SNX30: variants seen among roughly 807,000 people sequenced by gnomAD.
SNX30 encodes sorting nexin family member 30, also known as sorting nexin-30.
A neutral mutation model predicts 46.4 loss-of-function variants in SNX30; 24 were observed. The observed-to-expected ratio is 0.52, with a 90% CI of 0.37 to 0.73. The LOEUF (loss-of-function observed/expected upper bound fraction) is 0.73. SNX30 is among the 30% of genes least tolerant of loss of function. The pLI is 0.00. For synonymous variants in SNX30, 189 were observed against 211.5 expected (o/e 0.89, Z 0.92); for missense variants, 533 against 555.7 (o/e 0.96, Z 0.41).
intron 1 of SNX30, among the ~76,000 whole-genome samples, chr9:112,792,378 A>G (rs1287200627): frequency 1.3e-5 from 2 of 152,188 alleles, no homozygotes; most frequent in Non-Finnish European, 2.9e-5. Context: ...TCATACATAG[A>G]CACAAGTTCT....
At chr9:112,842,351 A>G (rs1840873366) in intron 6 of SNX30, among the ~76,000 whole-genome samples, 1 of 152,218 alleles carries the variant, frequency 6.6e-6, no homozygotes, top group African/African-American at 2.4e-5. Context: ...GTCTATCTTC[A>G]TCATGGCCTT....
At chr9:112,804,265 A>G (rs1840186752) in intron 1 of SNX30, among the ~76,000 whole-genome samples, 2 of 152,064 alleles carry the variant, frequency 1.3e-5, no homozygotes, top group Non-Finnish European at 2.9e-5. Context: ...CCCAGGTTCA[A>G]GCAATTCTCC....
At chr9:112,785,219 G>A (rs936838740) in intron 1 of SNX30, among the ~76,000 whole-genome samples, 4 of 152,028 alleles carry the variant, frequency 2.6e-5, no homozygotes, top group Admixed American at 2.6e-4. Context: ...TTTTGGGAAT[G>A]TAATTTTTTT....
chr9:112,839,251 C>T lies in SNX30; in HGVS notation c.1014+554C>T, dbSNP rs115936294. On this transcript the variant is annotated intron_variant, in intron 6 of 8. Transcript: ENST00000374232. ...TAAAAGAAATAATACAAGAAAGTCCCCCAAAGCTGAAGACATAAATCGTCT... is the reference window on the plus strand; with the variant it reads ...TAAAAGAAATAATACAAGAAAGTCCTCCAAAGCTGAAGACATAAATCGTCT... 5.2e-3 allele frequency among the ~76,000 whole-genome samples: 794 copies of T among 152,186 alleles called. 7 individuals are homozygous for T. Among genetic ancestry groups the T allele is most frequent in the African/African-American group, 0.018 (759 of 41,506 alleles).
intron 1 of SNX30, among the ~76,000 whole-genome samples, chr9:112,789,829 T>C (rs1839992247): frequency 6.6e-6 from 1 of 152,252 alleles, no homozygotes; most frequent in Non-Finnish European, 1.5e-5. Flanking sequence ...TAGAATTTGC[T>C]TGAAGGGCAG....
chr9:112,833,996 T>C (rs1840710356), intron 4 of SNX30, among the ~76,000 whole-genome samples: 1 of 152,110 alleles, frequency 6.6e-6, no homozygotes, highest in South Asian at 2.1e-4. Context: ...GGATTAGAAG[T>C]TGAAGATACA....
chr9:112,849,068 T>C (rs986304605), intron 6 of SNX30, among the ~76,000 whole-genome samples: 1 of 152,322 alleles, frequency 6.6e-6, no homozygotes, highest in South Asian at 2.1e-4. Context: ...GTGGTTTTTT[T>C]TTCCAGTAAG....
At chr9:112,864,221 C>A (rs778759728) in intron 7 of SNX30, 26 bp from the exon 8 acceptor site, 1 of 1,612,502 alleles carries the variant, frequency 6.2e-7, no homozygotes. Flanking sequence ...GTGTGCAGGG[C>A]ACCCATGTGT....
intron 7 of SNX30, among the ~76,000 whole-genome samples, chr9:112,852,221 C>T (rs1323790007): frequency 1.3e-5 from 2 of 151,324 alleles, no homozygotes; most frequent in Non-Finnish European, 2.9e-5. Flanking sequence ...GCCACTGCAC[C>T]CCAGCCTGGG....
At chr9:112,804,238 C>G (rs1270943233) in intron 1 of SNX30, among the ~76,000 whole-genome samples, 1 of 152,074 alleles carries the variant, frequency 6.6e-6, no homozygotes, top group Admixed American at 6.6e-5. Flanking sequence ...AGTCTCGGCT[C>G]ACTGCAACCT....
At position 112,795,268 on chromosome 9, in the gene SNX30, C is replaced by G. The variant is rs181917223; in HGVS notation, c.157-9508C>G. Among the ~76,000 whole-genome samples the G allele has an allele frequency of 2.0e-5, 3 of 152,234 alleles. No homozygotes were observed. The East Asian group carries it at 5.8e-4, about 29-fold the overall frequency. ...AACTGCTTCCATATACTAACTAACT[C>G]AATCCCACTATACCCATTTTATAAA... On this transcript the variant is annotated intron_variant, in intron 1 of 8. Transcript: ENST00000374232.
At chr9:112,817,539 A>T (rs1840419499) in intron 2 of SNX30, among the ~76,000 whole-genome samples, 166 bp from the exon 3 acceptor site, 1 of 149,848 alleles carries the variant, frequency 6.7e-6, no homozygotes, top group African/African-American at 2.5e-5. Context: ...TAAGTGTCCC[A>T]GACTGGTCTA....
intron 3 of SNX30, among the ~76,000 whole-genome samples, chr9:112,819,558 C>T (rs970910524): frequency 6.6e-6 from 1 of 152,160 alleles, no homozygotes; most frequent in Non-Finnish European, 1.5e-5. Flanking sequence ...TGAGCCACCA[C>T]GCCCGGCCCA....
chr9:112,839,566 C>G (rs1840821840), intron 6 of SNX30, among the ~76,000 whole-genome samples: 1 of 151,986 alleles, frequency 6.6e-6, no homozygotes, highest in African/African-American at 2.4e-5. Flanking sequence ...CTGGAAACTT[C>G]CCCGGCCTGC....
chr9:112,813,669 T>A (rs551691922), intron 2 of SNX30, among the ~76,000 whole-genome samples: 5 of 152,146 alleles, frequency 3.3e-5, no homozygotes, highest in Admixed American at 3.3e-4. Context: ...AGACAGGGTT[T>A]CACCATGTTG....
At chr9:112,779,476 C>G (rs1426820392) in intron 1 of SNX30, among the ~76,000 whole-genome samples, 1 of 152,104 alleles carries the variant, frequency 6.6e-6, no homozygotes, top group East Asian at 1.9e-4. Context: ...GTGGGCAGAT[C>G]ACTTGAGGTC....
intron 1 of SNX30, among the ~76,000 whole-genome samples, chr9:112,766,953 G>C (rs2131358571): frequency 6.6e-6 from 1 of 152,208 alleles, no homozygotes; most frequent in East Asian, 1.9e-4. Flanking sequence ...CCTTCTTTTG[G>C]ATATGGATAT....
chr9:112,807,086 A>G (rs1286209268), intron 2 of SNX30, among the ~76,000 whole-genome samples: 1 of 88,320 alleles, frequency 1.1e-5, no homozygotes, highest in Non-Finnish European at 1.9e-5. Flanking sequence ...TTTTTTTGAG[A>G]CAGAGTCTCC....
intron 2 of SNX30, among the ~76,000 whole-genome samples, chr9:112,809,414 G>A (rs1053304423): frequency 6.6e-6 from 1 of 152,100 alleles, no homozygotes; most frequent in African/African-American, 2.4e-5. Flanking sequence ...GGATGGCCCC[G>A]ATACCCAGCA....
Sources: allele counts gnomAD v4.1 joint callset (sites outside exome capture counted in the v4.1 genomes callset), GRCh38; gene constraint gnomAD v4.1.1; transcripts MANE v1.5; gene names NCBI Gene and HGNC (gene_info 2026-07-23, HGNC 2026-07-21).